KCNN2: variants seen among roughly 807,000 people sequenced by gnomAD.
KCNN2 encodes small conductance calcium-activated potassium channel protein 2.
KCNN2 carries 24 observed loss-of-function variants against 55.5 expected under a neutral mutation model. The observed-to-expected ratio is 0.43, with a 90% CI of 0.31 to 0.61. The LOEUF (loss-of-function observed/expected upper bound fraction) is 0.61. Among genes scored for constraint, KCNN2 ranks in the 20% least tolerant of loss-of-function variants. KCNN2 has a pLI of 0.08. For missense variants in KCNN2, 754 were observed against 853.6 expected, an observed-to-expected ratio of 0.88 and a Z score of 1.45; for synonymous variants, 431 against 336.1, an observed-to-expected ratio of 1.28 and a Z score of -3.09.
intron 2 of KCNN2, among the ~76,000 whole-genome samples, chr5:114,258,113 G>A (rs774932218): frequency 1.5e-4 from 23 of 152,016 alleles, no homozygotes; most frequent in Non-Finnish European, 2.6e-4. Context: ...TATGGTTTTT[G>A]TTTTTCATTC....
chr5:114,277,330 T>C (rs1430378951), intron 2 of KCNN2, among the ~76,000 whole-genome samples: 1 of 152,198 alleles, frequency 6.6e-6, no homozygotes, highest in Non-Finnish European at 1.5e-5. Flanking sequence ...GTTTCTCTTC[T>C]TGAGAATTAT....
intron 1 of KCNN2, among the ~76,000 whole-genome samples, chr5:114,067,762 A>T (rs1375930712): frequency 6.6e-6 from 1 of 152,216 alleles, no homozygotes; most frequent in Non-Finnish European, 1.5e-5. Flanking sequence ...TACTGTCGAT[A>T]GAATTTGATT....
intron 2 of KCNN2, among the ~76,000 whole-genome samples, chr5:114,317,229 C>T (rs2150028072): frequency 6.6e-6 from 1 of 151,378 alleles, no homozygotes; most frequent in South Asian, 2.1e-4. Context: ...CTTATTGATC[C>T]AATTTTTTTT....
At chr5:114,278,717 C>T (rs1364903353) in intron 2 of KCNN2, among the ~76,000 whole-genome samples, 1 of 152,220 alleles carries the variant, frequency 6.6e-6, no homozygotes, top group Non-Finnish European at 1.5e-5. Context: ...TTGCGAAGAC[C>T]ATGGGGAAAG....
At chr5:114,354,985 T>G (rs1017412020) in intron 2 of KCNN2, among the ~76,000 whole-genome samples, 1 of 152,202 alleles carries the variant, frequency 6.6e-6, no homozygotes, top group African/African-American at 2.4e-5. Flanking sequence ...AAGATAAATA[T>G]GAATATGCAA....
rs79023250 is a variant in KCNN2 at position 114,369,136 on chromosome 5, G to A, written c.1218+5135G>A. The stretch of plus-strand genomic sequence containing the variant: ...TGCCCACTAGTCTTCTAGAAAGGCC[G>A]TCAGAGTTTATGTCTCTGCTTTCTC... On this transcript the variant is annotated intron_variant, in intron 2 of 7. Transcript: ENST00000673685. Among the ~76,000 whole-genome samples the A allele has an allele frequency of 1.9e-4, 29 of 152,240 alleles. No homozygotes were observed. In the South Asian group the frequency reaches 3.3e-3, roughly 17 times the overall value.
intron 2 of KCNN2, among the ~76,000 whole-genome samples, chr5:114,390,857 A>T (rs1758430886): frequency 6.6e-6 from 1 of 152,214 alleles, no homozygotes; most frequent in African/African-American, 2.4e-5. Context: ...TAATTGCATG[A>T]TAATCTATCA....
intron 1 of KCNN2, among the ~76,000 whole-genome samples, chr5:114,185,577 T>A: frequency 6.6e-6 from 1 of 152,208 alleles, no homozygotes; most frequent in East Asian, 1.9e-4. Flanking sequence ...GTTTTCCCTA[T>A]CTTTTTCCTT....
chr5:114,176,520 A>G (rs1001450074), intron 1 of KCNN2, among the ~76,000 whole-genome samples: 2 of 152,146 alleles, frequency 1.3e-5, no homozygotes, highest in Non-Finnish European at 2.9e-5. Flanking sequence ...TTCTAATATC[A>G]CTAAGAAAAC....
intron 1 of KCNN2, among the ~76,000 whole-genome samples, chr5:114,178,807 A>G (rs888837422): frequency 6.6e-6 from 1 of 152,180 alleles, no homozygotes; most frequent in Non-Finnish European, 1.5e-5. Flanking sequence ...GGATCATGTG[A>G]ATGTATTCAG....
rs148704122 is a variant in KCNN2, at chr5:114,111,500, G to C, written c.-271+55000G>C. On this transcript the variant is annotated intron_variant, in intron 1 of 10. Coordinates refer to the KCNN2 transcript ENST00000512097. ...ACAAATGGGATCTAATTAAACTAAAGAGCTTCTGCACAGCAAAATAAACTA... is the reference window on the plus strand; with the variant it reads ...ACAAATGGGATCTAATTAAACTAAACAGCTTCTGCACAGCAAAATAAACTA... Among the ~76,000 whole-genome samples, 1,215 of 152,258 alleles carry C rather than the reference G, an allele frequency of 8.0e-3. 22 individuals are homozygous for C. Among genetic ancestry groups the C allele is most frequent in the African/African-American group, 0.028 (1,171 of 41,548 alleles).
Position 114,272,315 on chromosome 5 carries a change from CAT to C in KCNN2, c.-185+50755_-185+50756del, listed in dbSNP as rs776269209. 3.6e-3 allele frequency among the ~76,000 whole-genome samples: 538 copies of C among 148,106 alleles called. 1 individual carries two copies. Among genetic ancestry groups the C allele is most frequent in the African/African-American group, 0.011 (426 of 38,256 alleles). ...TATGTATGTACATATCACACACACA[CAT>C]ATATGTATGTACATATACACACATA... On this transcript the variant is annotated intron_variant, in intron 2 of 10. Transcript: ENST00000512097.
intron 1 of KCNN2, among the ~76,000 whole-genome samples, chr5:114,129,522 T>C (rs1752005513): frequency 6.6e-6 from 1 of 152,208 alleles, no homozygotes; most frequent in Admixed American, 6.5e-5. Flanking sequence ...CACAAAACCT[T>C]CTTCCATCCT....
rs150027510 is a variant in KCNN2, at chr5:114,284,010, C to G, written c.-185+62445C>G. Among the ~76,000 whole-genome samples, 398 of 152,268 alleles carry G rather than the reference C, an allele frequency of 2.6e-3. 21 individuals are homozygous for G. In the East Asian group the frequency reaches 0.066, roughly 25 times the overall value. On this transcript the variant is annotated intron_variant, in intron 2 of 10. Coordinates refer to the KCNN2 transcript ENST00000512097. ...CTTTGGCCAGAGTAAGAATGACATC[C>G]AGGAAGAGGGGATATTCTTCAGGTT...
At chr5:114,461,414 C>T (rs1472723067) in intron 3 of KCNN2, among the ~76,000 whole-genome samples, 1 of 152,128 alleles carries the variant, frequency 6.6e-6, no homozygotes, top group Non-Finnish European at 1.5e-5. Flanking sequence ...GCAGGATGCT[C>T]CTAATCAGGC....
chr5:114,233,143 A>C (rs906596707), intron 2 of KCNN2, among the ~76,000 whole-genome samples: 4 of 149,604 alleles, frequency 2.7e-5, no homozygotes, highest in African/African-American at 7.5e-5. Context: ...GATGGTCTCG[A>C]TCTCCTGACC....
At chr5:114,062,625 T>C (rs1372167994) in intron 1 of KCNN2, among the ~76,000 whole-genome samples, 1 of 152,190 alleles carries the variant, frequency 6.6e-6, no homozygotes, top group Non-Finnish European at 1.5e-5. Flanking sequence ...TTGTCCTATA[T>C]GCAGGGAGAA....
At chr5:114,203,416 C>A (rs1344597835) in intron 1 of KCNN2, among the ~76,000 whole-genome samples, 2 of 150,462 alleles carry the variant, frequency 1.3e-5, no homozygotes, top group Non-Finnish European at 2.9e-5. Context: ...AGAAAATCTT[C>A]ATTTTTTTTA....
At chr5:114,493,226 T>C (rs1747947344) in intron 6 of KCNN2, 177 bp from the exon 7 acceptor site, 1 of 683,104 alleles carries the variant, frequency 1.5e-6, no homozygotes, top group Non-Finnish European at 2.7e-6. Context: ...TTTTGCGGTG[T>C]TGGGGAAGCA....
Sources: gnomAD v4.1 joint callset for allele counts (sites outside exome capture counted in the v4.1 genomes callset) on GRCh38, gnomAD v4.1.1 for gene constraint, MANE v1.5 for transcripts, NCBI Gene and HGNC (gene_info 2026-07-23, HGNC 2026-07-21) for gene names.